SERPINI1: variants seen among roughly 807,000 people sequenced by gnomAD.
SERPINI1 encodes serpin family I member 1, also known as neuroserpin.
SERPINI1 carries 19 observed loss-of-function variants against 41.1 expected under a neutral mutation model. The ratio of observed to expected loss-of-function variants is 0.46; its 90% CI spans 0.32 to 0.68. The LOEUF (loss-of-function observed/expected upper bound fraction) is 0.68. Ranked by LOEUF, SERPINI1 falls within the 30% of genes least tolerant of loss-of-function variation. The pLI, the probability that SERPINI1 is intolerant of heterozygous loss-of-function variation, is 0.03. For missense variants in SERPINI1, 460 were observed against 479.2 expected (o/e 0.96, Z 0.37); for synonymous variants, 138 against 156.6 (o/e 0.88, Z 0.89).
At chr3:167,751,032 A>G (rs1028407955) in intron 1 of SERPINI1, among the ~76,000 whole-genome samples, 6 of 152,192 alleles carry the variant, frequency 3.9e-5, no homozygotes, top group Non-Finnish European at 5.9e-5. Flanking sequence ...TTTCATGATA[A>G]TATTAAAAAA....
chr3:167,774,046 TA>T (rs35866475), intron 1 of SERPINI1, among the ~76,000 whole-genome samples: 1 of 151,786 alleles, frequency 6.6e-6, no homozygotes, highest in Middle Eastern at 3.2e-3. Context: ...AGTTTTTTTC[TA>T]AAAAAAAGAA....
At chr3:167,783,440 A>AT (rs1203927118) in intron 1 of SERPINI1, among the ~76,000 whole-genome samples, 1 of 152,204 alleles carries the variant, frequency 6.6e-6, no homozygotes, top group Non-Finnish European at 1.5e-5. Flanking sequence ...CCCAAGAACA[A>AT]TTACCAATGC....
At chr3:167,775,296 C>G (rs939877647) in intron 1 of SERPINI1, among the ~76,000 whole-genome samples, 7 of 149,488 alleles carry the variant, frequency 4.7e-5, no homozygotes, top group African/African-American at 1.5e-4. Context: ...GAGTCTCGCT[C>G]TGTTGCCCAG....
At chr3:167,796,419 G>A (rs1054212434) in intron 5 of SERPINI1, among the ~76,000 whole-genome samples, 4 of 151,116 alleles carry the variant, frequency 2.6e-5, no homozygotes, top group Admixed American at 2.0e-4. Context: ...ATAGGTAAAC[G>A]TGTGCCATGG....
chr3:167,807,950 C>G (rs945163393), intron 6 of SERPINI1, among the ~76,000 whole-genome samples: 3 of 151,794 alleles, frequency 2.0e-5, no homozygotes, highest in Non-Finnish European at 4.4e-5. Context: ...AACCCCATCT[C>G]TACTAAAAAT....
In SERPINI1 at chr3:167,792,597, G is replaced by A; in HGVS notation, c.489G>A (p.Val163=). ...KWVENNTNNL[V]KDLVSPRDFD... ...TCATTTTTTCCTAAATAGATCTGGT[G>A]AAAGATTTGGTATCCCCAAGGGATT... The change falls in exon 4 of 9, where the codon GTG becomes GTA. Residue 163 remains valine (V), a synonymous_variant. Coordinates refer to ENST00000446050, the MANE Select transcript of SERPINI1 (RefSeq NM_001122752.2). 6.2e-7 allele frequency: 1 copy of A among 1,613,308 alleles called. No homozygotes were observed. The highest frequency in any genetic ancestry group is 1.1e-5 in the South Asian group (1 of 91,004).
chr3:167,745,677 G>T (rs1321871543), intron 1 of SERPINI1, among the ~76,000 whole-genome samples: 1 of 152,034 alleles, frequency 6.6e-6, no homozygotes, highest in Non-Finnish European at 1.5e-5. Flanking sequence ...GAATCCACAT[G>T]AAAAACTATT....
chr3:167,780,009 C>T (rs539515996), intron 1 of SERPINI1, among the ~76,000 whole-genome samples: 45 of 152,040 alleles, frequency 3.0e-4, no homozygotes, highest in African/African-American at 9.9e-4. Flanking sequence ...GGCCCATTGG[C>T]TTTAAGAGGC....
At position 167,772,893 on chromosome 3, in the gene SERPINI1, T is replaced by TATATATACAC. The variant is rs1391850018; in HGVS notation, c.-18-16217_-18-16216insTATATACACA. On this transcript the variant is annotated intron_variant, in intron 1 of 8. Transcript: ENST00000446050. ...ATATATATATATATATATATATATA[T>TATATATACAC]ACACACACACACACACACACACACA... is the stretch of plus-strand genomic sequence containing the variant. 1.1e-4 allele frequency among the ~76,000 whole-genome samples: 6 copies of TATATATACAC among 52,236 alleles called. No individual in the cohort carries two copies. The East Asian group carries it at 2.2e-3, about 19-fold the overall frequency. 34.3% of individuals were successfully genotyped at this position (52,236 alleles called of 152,430 possible). A position where few individuals can be genotyped will look rare whatever the true frequency, so the allele number is the denominator to read the frequency against.
chr3:167,757,002 A>G (rs1355536435), intron 1 of SERPINI1, among the ~76,000 whole-genome samples: 1 of 152,240 alleles, frequency 6.6e-6, no homozygotes, highest in Non-Finnish European at 1.5e-5. Flanking sequence ...TCAGTGAGTA[A>G]TAAAACAGCT....
chr3:167,757,927 A>G (rs1186052584), intron 1 of SERPINI1, among the ~76,000 whole-genome samples: 1 of 152,168 alleles, frequency 6.6e-6, no homozygotes, highest in East Asian at 1.9e-4. Context: ...TCAAAAAATA[A>G]AGAAAAATAT....
intron 5 of SERPINI1, among the ~76,000 whole-genome samples, chr3:167,795,044 T>C (rs528895874): frequency 1.3e-5 from 2 of 152,234 alleles, no homozygotes; most frequent in African/African-American, 4.8e-5. Context: ...ATGTGGTCCT[T>C]CCCGTAGACA....
Position 167,794,789 on chromosome 3 carries a change from T to C in SERPINI1, c.846T>C (p.Ser282=), listed in dbSNP as rs1409356508. The stretch of plus-strand genomic sequence containing the variant: ...AGCTGGTTGAAGAATGGGCAAACTC[T>C]GTGAAGAAGCAAAAAGTAGAAGTAT... ...KAQLVEEWAN[S]VKKQKVEVYL... Residue 282 remains serine, a synonymous_variant, in exon 5 of 9, where the codon TCT becomes TCC. Transcript: ENST00000446050. 6 of 1,613,436 alleles carry C rather than the reference T, an allele frequency of 3.7e-6. No homozygotes were observed. Among genetic ancestry groups the C allele is most frequent in the Non-Finnish European group, 5.1e-6 (6 of 1,179,784 alleles).
At chr3:167,750,991 A>T (rs940055130) in intron 1 of SERPINI1, among the ~76,000 whole-genome samples, 8 of 152,122 alleles carry the variant, frequency 5.3e-5, no homozygotes, top group African/African-American at 1.9e-4. Context: ...AATATATAAA[A>T]ACTCTAACTT....
chr3:167,800,638 G>A (rs570512105), intron 5 of SERPINI1, among the ~76,000 whole-genome samples: 4 of 152,266 alleles, frequency 2.6e-5, no homozygotes, highest in South Asian at 4.1e-4. Flanking sequence ...TTTGTCATTT[G>A]TGATCAGAGT....
intron 3 of SERPINI1, among the ~76,000 whole-genome samples, chr3:167,791,237 C>T (rs1485385022): frequency 1.3e-5 from 2 of 152,104 alleles, no homozygotes; most frequent in Admixed American, 1.3e-4. Flanking sequence ...ATTGAAATCA[C>T]AGTCCTAAAA....
At chr3:167,755,265 A>C (rs1005435369) in intron 1 of SERPINI1, among the ~76,000 whole-genome samples, 1 of 152,202 alleles carries the variant, frequency 6.6e-6, no homozygotes, top group African/African-American at 2.4e-5. Flanking sequence ...CTCTGAAAGA[A>C]AGCACATGGC....
rs531453661 is a variant in SERPINI1, at chr3:167,822,521, C to A, written c.980-465C>A. Among the ~76,000 whole-genome samples, 8 of 152,182 alleles carry A rather than the reference C, an allele frequency of 5.3e-5. No individual in the cohort carries two copies. The East Asian group carries it at 1.3e-3, about 26-fold the overall frequency. The stretch of plus-strand genomic sequence containing the variant: ...ACATTATGAATCTAGAAGTCAATTT[C>A]ATTTTTCTTTGCCAAGGGTATTTAC... On this transcript the variant is annotated intron_variant, in intron 6 of 8. Transcript: ENST00000446050.
intron 6 of SERPINI1, among the ~76,000 whole-genome samples, chr3:167,818,560 T>G (rs1420593691): frequency 6.6e-6 from 1 of 152,176 alleles, no homozygotes; most frequent in Non-Finnish European, 1.5e-5. Flanking sequence ...GGACAATCTC[T>G]TCTTTTTTTT....
Sources: gnomAD v4.1 joint callset for allele counts (sites outside exome capture counted in the v4.1 genomes callset) on GRCh38, gnomAD v4.1.1 for gene constraint, MANE v1.5 for transcripts, NCBI Gene and HGNC (gene_info 2026-07-23, HGNC 2026-07-21) for gene names.